Variants in ULBP3 observed in about 807,000 individuals in gnomAD.
The protein encoded by ULBP3 is UL16 binding protein 3.
In ULBP3, 25 loss-of-function variants were observed where a neutral mutation model predicts 24.9. That is an observed-to-expected ratio of 1.00 (90% confidence interval 0.73 to 1.40). ULBP3 has a LOEUF of 1.40. Among genes scored for constraint, ULBP3 ranks in the 40% most tolerant of loss-of-function variants. The pLI, the probability that ULBP3 is intolerant of heterozygous loss-of-function variation, is 0.00. For synonymous variants in ULBP3, 114 were observed against 114.7 expected (o/e 0.99, Z 0.04); for missense variants, 306 against 307.5 (o/e 1.00, Z 0.04).
Position 150,065,777 on chromosome 6 carries a change from C to T in ULBP3, c.353-104G>A, listed in dbSNP as rs572135818. 4 of 1,579,320 alleles carry T rather than the reference C, an allele frequency of 2.5e-6. No individual in the cohort carries two copies. The African/African-American group carries it at 4.0e-5, about 16-fold the overall frequency. On this transcript the variant is annotated intron_variant, in intron 2 of 4. Coordinates refer to ENST00000367339, the MANE Select transcript of ULBP3 (RefSeq NM_024518.3). Reference sequence around the variant, plus strand: ...TTCTCATCTGGTCCTGTTGTCTCCTCCAAGTCCTGCCCTTGCTGCTGGGCT... The same window carrying T: ...TTCTCATCTGGTCCTGTTGTCTCCTTCAAGTCCTGCCCTTGCTGCTGGGCT...
In ULBP3 at chr6:150,065,594, G is replaced by A. The variant is rs374852630; in HGVS notation, c.432C>T (p.Phe144=). 3.8e-5 allele frequency: 62 copies of A among 1,614,138 alleles called. No individual in the cohort carries two copies. The East Asian group carries it at 8.5e-4, about 22-fold the overall frequency. Residue 144 remains phenylalanine (F), a synonymous_variant, in exon 3 of 5, where the codon TTC becomes TTT. Coordinates refer to ENST00000367339, the MANE Select transcript of ULBP3 (RefSeq NM_024518.3). ...GYIRGSWQFS[F]DGRKFLLFDS... ...CAAAGAGGAGGAACTTCCGTCCATC[G>A]AAGCTGAACTGCCAAGATCCACGGA...
rs377740812 is a variant in ULBP3 at position 150,069,035 on chromosome 6, G to A, written c.32C>T (p.Pro11Leu). The A allele has an allele frequency of 1.9e-5, 30 of 1,612,138 alleles. No individual in the cohort carries two copies. Among genetic ancestry groups the A allele is most frequent in the Non-Finnish European group, 2.1e-5 (25 of 1,179,368 alleles). MAAAASPAIL[P>L]RLAILPYLLF... ...CAGGTACGGAAGAATCGCGAGGCGCGGAAGGATCGCGGGGCTGGCGGCCGC... is the reference window on the plus strand; with the variant it reads ...CAGGTACGGAAGAATCGCGAGGCGCAGAAGGATCGCGGGGCTGGCGGCCGC... The change falls in exon 1 of 5, where the codon CCG (proline) becomes CTG (leucine). Residue 11 changes from proline (P) to leucine (L), a missense_variant. Transcript: ENST00000367339.
rs1365211908 is a variant in ULBP3 at position 150,068,995 on chromosome 6, G to A, written c.72C>T (p.Ser24=). 1.9e-6 allele frequency: 3 copies of A among 1,610,860 alleles called. No individual in the cohort carries two copies. The highest frequency in any genetic ancestry group is 2.5e-6 in the Non-Finnish European group (3 of 1,178,592). Residue 24 remains serine, a synonymous_variant, in exon 1 of 5, where the codon TCC becomes TCT. Transcript: ENST00000367339. ...CGAACTCACCGGCCCGCCCCGTCCC[G>A]GACCAGTCGAATAGCAGGTACGGAA... ...AILPYLLFDW[S]GTGRADAHSL...
intron 4 of ULBP3, among the ~76,000 whole-genome samples, chr6:150,063,961 T>C (rs2010440): frequency 0.89 from 134,891 of 152,200 alleles, 59,999 homozygotes; most frequent in African/African-American, 0.93. Context: ...TCCCAGGGCC[T>C]AGCCAGGAAT....
intron 4 of ULBP3, among the ~76,000 whole-genome samples, chr6:150,064,297 T>C (rs1776314672): frequency 1.3e-5 from 2 of 152,194 alleles, no homozygotes; most frequent in South Asian, 2.1e-4. Context: ...AGAAACCTGC[T>C]GTGAAATAGG....
chr6:150,063,485 T>A, intron 4 of ULBP3, 134 bp from the exon 5 acceptor site: 1 of 348,980 alleles, frequency 2.9e-6, no homozygotes, highest in Non-Finnish European at 4.0e-6. Flanking sequence ...CCTCCAACCC[T>A]ACCCCTGGCT....
Position 150,065,982 on chromosome 6 carries a change from T to C in ULBP3, c.269A>G (p.Lys90Arg). The C allele has an allele frequency of 6.2e-7, 1 of 1,614,190 alleles. No individual in the cohort carries two copies. The highest frequency in any genetic ancestry group is 8.5e-7 in the Non-Finnish European group (1 of 1,180,048). ...CACCTCTCTCAGCATTTCCAGTTGT[T>C]TTCCCCAGGCATCTGTGGCATACAG... ...EQLYATDAWG[K>R]QLEMLREVGQ... Residue 90 changes from lysine (K) to arginine (R), a missense_variant, in exon 2 of 5, where the codon AAA (lysine) becomes AGA (arginine). Coordinates refer to ENST00000367339, the MANE Select transcript of ULBP3 (RefSeq NM_024518.3).
At position 150,068,968 on chromosome 6, in the gene ULBP3, C is replaced by T. The variant is rs750722863; in HGVS notation, c.88+11G>A. 1.4e-5 allele frequency: 23 copies of T among 1,600,144 alleles called. No individual in the cohort carries two copies. The East Asian group carries it at 4.7e-4, about 33-fold the overall frequency. ...GCCCCCGCCCCGCTTAGGCTCCATC[C>T]CCGAACTCACCGGCCCGCCCCGTCC... On this transcript the variant is annotated intron_variant, in intron 1 of 4. Coordinates refer to ENST00000367339, the MANE Select transcript of ULBP3 (RefSeq NM_024518.3).
At position 150,062,177 on chromosome 6, in the gene ULBP3, C is replaced by CT. The variant is rs1198013066; in HGVS notation, c.*1196dup. On this transcript the variant is annotated 3_prime_UTR_variant, in exon 5 of 5. Coordinates refer to ENST00000367339, the MANE Select transcript of ULBP3 (RefSeq NM_024518.3). ...ATAGTTTCCCCATTCTACACGCTGT[C>CT]TGTTTACCGTGTTGCTAGTTTCTTT... Among the ~76,000 whole-genome samples, 1 of 152,184 alleles carries CT rather than the reference C, an allele frequency of 6.6e-6. No individual in the cohort carries two copies. Among genetic ancestry groups the CT allele is most frequent in the Non-Finnish European group, 1.5e-5 (1 of 68,032 alleles).
At chr6:150,064,507 A>T (rs1327396459) in intron 4 of ULBP3, 78 bp downstream of exon 4, 1 of 1,308,646 alleles carries the variant, frequency 7.6e-7, no homozygotes, top group Non-Finnish European at 1.1e-6. Flanking sequence ...GAGAGGTGGG[A>T]CTCTGGAAAT....
rs1403490600 is a variant in ULBP3 at position 150,062,820 on chromosome 6, T to C, written c.*554A>G. ...GGCAGAAGGTGTTAAGAAAAATGGCTGGCCGGGCGCGGTGGCTCACGCCTG... is the reference window on the plus strand; with the variant it reads ...GGCAGAAGGTGTTAAGAAAAATGGCCGGCCGGGCGCGGTGGCTCACGCCTG... On this transcript the variant is annotated 3_prime_UTR_variant, in exon 5 of 5. Transcript: ENST00000367339. Among the ~76,000 whole-genome samples, 1 of 148,432 alleles carries C rather than the reference T, an allele frequency of 6.7e-6. No individual in the cohort carries two copies. Among genetic ancestry groups the C allele is most frequent in the Non-Finnish European group, 1.5e-5 (1 of 66,580 alleles).
chr6:150,066,420 G>A (rs761055196), intron 1 of ULBP3, among the ~76,000 whole-genome samples: 39 of 152,220 alleles, frequency 2.6e-4, no homozygotes, highest in Non-Finnish European at 4.7e-4. Context: ...GAAGGACTTA[G>A]ATGGCAGGAT....
intron 4 of ULBP3, 99 bp from the exon 5 acceptor site, chr6:150,063,450 C>T (rs1216110663): frequency 5.0e-6 from 3 of 601,454 alleles, no homozygotes; most frequent in East Asian, 2.8e-4. Context: ...CAGAGCTTCT[C>T]CCCCAGATAA....
chr6:150,062,027 TTTGAAA>T lies in ULBP3; in HGVS notation c.*1341_*1346del, dbSNP rs1193431021. The stretch of plus-strand genomic sequence containing the variant: ...TTTGTTGGCCACTTGTATGTCTTCT[TTTGAAA>T]AGTGTCTGTTCATGTCTTTGCACAT... On this transcript the variant is annotated 3_prime_UTR_variant, in exon 5 of 5. Transcript: ENST00000367339. Among the ~76,000 whole-genome samples the T allele has an allele frequency of 1.3e-5, 2 of 152,370 alleles. No homozygotes were observed. Among genetic ancestry groups the T allele is most frequent in the Non-Finnish European group, 2.9e-5 (2 of 68,038 alleles).
At position 150,062,964 on chromosome 6, in the gene ULBP3, C is replaced by T. The variant is rs1451540227; in HGVS notation, c.*410G>A. The stretch of plus-strand genomic sequence containing the variant: ...AAAAATACAAAAAATTAGCCGGGCG[C>T]GGTGGCGGGTGCCTGTAGTCCCAGC... On this transcript the variant is annotated 3_prime_UTR_variant, in exon 5 of 5. Coordinates refer to ENST00000367339, the MANE Select transcript of ULBP3 (RefSeq NM_024518.3). 2.0e-5 allele frequency among the ~76,000 whole-genome samples: 3 copies of T among 151,162 alleles called. No homozygotes were observed. In the South Asian group the frequency reaches 6.3e-4, roughly 32 times the overall value.
chr6:150,063,843 C>T (rs1277776726), intron 4 of ULBP3, among the ~76,000 whole-genome samples: 1 of 152,072 alleles, frequency 6.6e-6, no homozygotes, highest in Non-Finnish European at 1.5e-5. Flanking sequence ...TGACCACGGA[C>T]CTCTAGCAGC....
Position 150,061,679 on chromosome 6 carries a change from G to C in ULBP3, c.*1695C>G, listed in dbSNP as rs1470578350. Among the ~76,000 whole-genome samples the C allele has an allele frequency of 1.3e-5, 2 of 152,190 alleles. No individual in the cohort carries two copies. Among genetic ancestry groups the C allele is most frequent in the South Asian group, 2.1e-4 (1 of 4,828 alleles). ...GTTGCTGGGCACTTAGGTTGATTCT[G>C]TGTCCTTGCTAGTAAGAATAGCACT... On this transcript the variant is annotated 3_prime_UTR_variant, in exon 5 of 5. Coordinates refer to ENST00000367339, the MANE Select transcript of ULBP3 (RefSeq NM_024518.3).
chr6:150,068,882 G>C (rs767033693), intron 1 of ULBP3, 97 bp downstream of exon 1: 27 of 1,282,542 alleles, frequency 2.1e-5, no homozygotes, highest in Non-Finnish European at 2.8e-5. Flanking sequence ...AGATCGCGCC[G>C]GTCCTTCTAG....
At chr6:150,066,224 T>C in intron 1 of ULBP3, 62 bp from the exon 2 acceptor site, 4 of 1,551,766 alleles carry the variant, frequency 2.6e-6, no homozygotes, top group Non-Finnish European at 3.5e-6. Context: ...CCAAACACTG[T>C]GACAGCAAGA....
Sources: allele counts gnomAD v4.1 joint callset (sites outside exome capture counted in the v4.1 genomes callset), GRCh38; gene constraint gnomAD v4.1.1; transcripts MANE v1.5; gene names NCBI Gene and HGNC (gene_info 2026-07-23, HGNC 2026-07-21).